IGF1R: variants seen among roughly 807,000 people sequenced by gnomAD.
IGF1R encodes the protein insulin-like growth factor 1 receptor.
A neutral mutation model predicts 144.6 loss-of-function variants in IGF1R; 44 were observed. The observed-to-expected ratio is 0.30, with a 90% confidence interval of 0.24 to 0.39. The LOEUF is 0.39. Ranked by LOEUF, IGF1R falls within the 10% of genes least tolerant of loss-of-function variation. The pLI is 1.00. For synonymous variants in IGF1R, 795 were observed against 722.8 expected, an observed-to-expected ratio of 1.10 and a Z score of -1.60; for missense variants, 1,355 against 1,833.7, an observed-to-expected ratio of 0.74 and a Z score of 4.77.
intron 4 of IGF1R, among the ~76,000 whole-genome samples, chr15:98,897,758 C>G (rs2014275443): frequency 6.6e-6 from 1 of 152,158 alleles, no homozygotes; most frequent in African/African-American, 2.4e-5. Flanking sequence ...AAAATCTTTT[C>G]ACTTCTGATT....
chr15:98,751,912 C>T (rs1003143692), intron 2 of IGF1R, among the ~76,000 whole-genome samples: 4 of 152,160 alleles, frequency 2.6e-5, no homozygotes, highest in Non-Finnish European at 4.4e-5. Flanking sequence ...CTTCCCCAGC[C>T]CAAGTCAGTC....
At chr15:98,786,761 A>G (rs1376995246) in intron 2 of IGF1R, among the ~76,000 whole-genome samples, 1 of 152,234 alleles carries the variant, frequency 6.6e-6, no homozygotes, top group East Asian at 1.9e-4. Context: ...CTGGCCAATA[A>G]CTGGGCCAGT....
intron 2 of IGF1R, among the ~76,000 whole-genome samples, chr15:98,744,257 C>A (rs768278847): frequency 1.4e-4 from 22 of 151,820 alleles, no homozygotes; most frequent in Non-Finnish European, 2.5e-4. Flanking sequence ...GGAAAGCATG[C>A]GAGTGTGATG....
Position 98,929,505 on chromosome 15 carries a change from T to G in IGF1R, c.2783-53T>G, listed in dbSNP as rs4486868. The G allele has an allele frequency of 8.7e-6, 12 of 1,378,076 alleles. No individual in the cohort carries two copies. In the East Asian group the frequency reaches 9.1e-5, roughly 10 times the overall value. 85.4% of individuals were successfully genotyped at this position (1,378,076 alleles called of 1,614,324 possible). On this transcript the variant is annotated intron_variant, in intron 13 of 20. Transcript: ENST00000650285. ...TCCAACTGAATGTGAAGAAATGAAATGAGCAAATTGTTCACCTGGTGATAT... is the reference window on the plus strand; with the variant it reads ...TCCAACTGAATGTGAAGAAATGAAAGGAGCAAATTGTTCACCTGGTGATAT...
At position 98,707,881 on chromosome 15, in the gene IGF1R, G is replaced by A; in HGVS notation, c.414G>A (p.Arg138=). 1.9e-6 allele frequency: 3 copies of A among 1,614,136 alleles called. No homozygotes were observed. The highest frequency in any genetic ancestry group is 2.5e-6 in the Non-Finnish European group (3 of 1,180,010). ...TTTACAACCTGAGGAACATTACTCG[G>A]GGGGCCATCAGGATTGAGAAAAATG... ...IGLYNLRNIT[R]GAIRIEKNAD... is the part of the protein sequence containing the mutation. Residue 138 remains arginine (R), a synonymous_variant, in exon 2 of 21, where the codon CGG becomes CGA. Transcript: ENST00000650285. The surrounding 1 kb of genome is among the most constrained non-coding windows in gnomAD (Gnocchi z 6.7).
Position 98,649,654 on chromosome 15 carries a change from C to G in IGF1R, c.73C>G (p.Leu25Val), listed in dbSNP as rs766990743. The G allele has an allele frequency of 3.1e-6, 5 of 1,610,368 alleles. No homozygotes were observed. The highest frequency in any genetic ancestry group is 4.2e-6 in the Non-Finnish European group (5 of 1,178,718). ...CCTGTTTCTCTCCGCCGCGCTCTCG[C>G]TCTGGCCGACGAGTGGAGAAAGTGA... The part of the protein sequence containing the change: ...GLLFLSAALS[L>V]WPTSGEICGP... Residue 25 changes from leucine (L) to valine (V), a missense_variant, in exon 1 of 21, where the codon CTC (leucine) becomes GTC (valine). Leu to Val is a conservative substitution (Grantham distance 32). Coordinates refer to ENST00000650285, the MANE Select transcript of IGF1R (RefSeq NM_000875.5).
At chr15:98,871,058 T>C (rs893982310) in intron 2 of IGF1R, among the ~76,000 whole-genome samples, 1 of 152,228 alleles carries the variant, frequency 6.6e-6, no homozygotes, top group Non-Finnish European at 1.5e-5. Context: ...ACAAAGCCAG[T>C]GCTCTTTTCA....
intron 15 of IGF1R, among the ~76,000 whole-genome samples, chr15:98,934,308 A>T (rs2016059433): frequency 6.6e-6 from 1 of 152,044 alleles, no homozygotes; most frequent in South Asian, 2.1e-4. Context: ...GTGCACCATC[A>T]TCACCTCTCA....
At chr15:98,718,238 C>T (rs2141276538) in intron 2 of IGF1R, among the ~76,000 whole-genome samples, 1 of 152,284 alleles carries the variant, frequency 6.6e-6, no homozygotes, top group Non-Finnish European at 1.5e-5. Context: ...TGGTCACAAA[C>T]AAGCGCCCAG....
chr15:98,660,302 G>A (rs45501597), intron 1 of IGF1R: 2 of 152,138 alleles, frequency 1.3e-5, no homozygotes, highest in Non-Finnish European at 2.9e-5. Context: ...TTAAGAGTTA[G>A]CTGTAATTTC....
chr15:98,949,558 A>G (rs1390776536), intron 20 of IGF1R, among the ~76,000 whole-genome samples: 1 of 151,976 alleles, frequency 6.6e-6, no homozygotes, highest in African/African-American at 2.4e-5. Flanking sequence ...TTTAGTAGAG[A>G]TGGGGTTTTA....
At chr15:98,763,482 GAACA>G (rs2141357003) in intron 2 of IGF1R, among the ~76,000 whole-genome samples, 1 of 149,932 alleles carries the variant, frequency 6.7e-6, no homozygotes, top group Admixed American at 6.6e-5. Flanking sequence ...TTCTTTTTGA[GAACA>G]AAGAATGTGT....
intron 1 of IGF1R, among the ~76,000 whole-genome samples, chr15:98,688,887 T>G (rs748945889): frequency 5.3e-5 from 8 of 152,150 alleles, no homozygotes; most frequent in South Asian, 2.1e-4. Flanking sequence ...TGGAAGCCTC[T>G]TTTTACGCAG....
intron 2 of IGF1R, among the ~76,000 whole-genome samples, chr15:98,777,651 G>T (rs373365278): frequency 1.3e-4 from 20 of 152,216 alleles, no homozygotes; most frequent in African/African-American, 4.3e-4. Flanking sequence ...AGACACAAAC[G>T]TAGCTCTCCA....
At chr15:98,768,327 C>T (rs927168506) in intron 2 of IGF1R, among the ~76,000 whole-genome samples, 2 of 152,222 alleles carry the variant, frequency 1.3e-5, no homozygotes, top group African/African-American at 4.8e-5. Flanking sequence ...AGTAAAAGTG[C>T]ACAACCTGGC....
chr15:98,890,825 T>C (rs577755823), intron 2 of IGF1R: 4 of 202,842 alleles, frequency 2.0e-5, no homozygotes, highest in African/African-American at 9.2e-5. Flanking sequence ...ATCTTTACTA[T>C]AGTGTAGTTT....
At chr15:98,839,971 T>C (rs2011146080) in intron 2 of IGF1R, among the ~76,000 whole-genome samples, 1 of 152,230 alleles carries the variant, frequency 6.6e-6, no homozygotes, top group East Asian at 1.9e-4. Flanking sequence ...AATCTAAGCT[T>C]TTTACCATGT....
intron 2 of IGF1R, among the ~76,000 whole-genome samples, chr15:98,846,057 AT>A (rs1406199845): frequency 6.6e-6 from 1 of 152,112 alleles, no homozygotes; most frequent in Non-Finnish European, 1.5e-5. Flanking sequence ...GACAGTAATA[AT>A]TTTTCATTTC....
chr15:98,676,596 A>G (rs570618133), intron 1 of IGF1R, among the ~76,000 whole-genome samples: 2 of 152,134 alleles, frequency 1.3e-5, no homozygotes, highest in Non-Finnish European at 2.9e-5. Context: ...CCATTATTTC[A>G]GGTGAACTTT....
Sources: allele counts gnomAD v4.1 joint callset (sites outside exome capture counted in the v4.1 genomes callset), GRCh38; gene constraint gnomAD v4.1.1; non-coding constraint Gnocchi (gnomAD v3.1); transcripts MANE v1.5; gene names NCBI Gene and HGNC (gene_info 2026-07-23, HGNC 2026-07-21).